DYNC1H1: variants seen among roughly 807,000 people sequenced by gnomAD.
DYNC1H1 encodes dynein cytoplasmic 1 heavy chain 1, also known as cytoplasmic dynein 1 heavy chain 1.
A neutral mutation model predicts 527.1 loss-of-function variants in DYNC1H1; 51 were observed. The observed-to-expected ratio is 0.10, with a 90% CI of 0.08 to 0.12. The LOEUF (loss-of-function observed/expected upper bound fraction) is 0.12, where lower values mean the gene tolerates loss of function less well. Among genes scored for constraint, DYNC1H1 ranks in the 10% least tolerant of loss-of-function variants. The pLI is 1.00. For synonymous variants in DYNC1H1, 2,189 were observed against 2,278.8 expected (o/e 0.96, Z 1.12); for missense variants, 2,771 against 5,971.8 (o/e 0.46, Z 17.66).
intron 73 of DYNC1H1, 33 bp from the exon 74 acceptor site, chr14:102,048,483 C>T (rs1175988115): frequency 6.2e-7 from 1 of 1,613,982 alleles, no homozygotes; most frequent in South Asian, 1.1e-5. Context: ...GGACCTCTTC[C>T]TAACTTCTCT....
chr14:102,038,356 T>G lies in DYNC1H1; in HGVS notation c.10909-104T>G. The G allele has an allele frequency of 2.0e-6, 3 of 1,536,022 alleles. No homozygotes were observed. The highest frequency in any genetic ancestry group is 8.7e-7 in the Non-Finnish European group (1 of 1,144,880). On this transcript the variant is annotated intron_variant, in intron 57 of 77. Transcript: ENST00000360184. The surrounding 1 kb of genome is among the most constrained non-coding windows in gnomAD (Gnocchi z 7.2). ...CCACCACACGCAAGTGGCGGGTGGC[T>G]TTTGGGAAGGTATGCTTATCCAGAG...
Position 102,007,102 on chromosome 14 carries a change from T to C in DYNC1H1, c.5811T>C (p.Asp1937=), listed in dbSNP as rs1258960197. 3 of 1,614,198 alleles carry C rather than the reference T, an allele frequency of 1.9e-6. No individual in the cohort carries two copies. Among genetic ancestry groups the C allele is most frequent in the Non-Finnish European group, 2.5e-6 (3 of 1,180,032 alleles). Residue 1937 remains aspartate (D), a synonymous_variant, in exon 28 of 78, where the codon GAT becomes GAC. Coordinates refer to ENST00000360184, the MANE Select transcript of DYNC1H1 (RefSeq NM_001376.5). Reference sequence around the variant, plus strand: ...TTTTCAACTGTGATGAAACCTTTGATTTCCAGGTGAGACACTTTATGGGAT... The same window carrying C: ...TTTTCAACTGTGATGAAACCTTTGACTTCCAGGTGAGACACTTTATGGGAT... ...VLVFNCDETF[D]FQAMGRIFVG... is the part of the protein sequence containing the mutation.
rs1288289761 is a variant in DYNC1H1 at position 102,005,564 on chromosome 14, A to G, written c.5434-324A>G. Among the ~76,000 whole-genome samples, 1 of 152,244 alleles carries G rather than the reference A, an allele frequency of 6.6e-6. No homozygotes were observed. Among genetic ancestry groups the G allele is most frequent in the Non-Finnish European group, 1.5e-5 (1 of 68,036 alleles). ...ACGGGCAGTGCTTGCTGCGAGCCCC[A>G]TGGCGGCACGTGGCAGACTCCTAGG... On this transcript the variant is annotated intron_variant, in intron 26 of 77. Coordinates refer to ENST00000360184, the MANE Select transcript of DYNC1H1 (RefSeq NM_001376.5). The surrounding 1 kb of genome is among the most constrained non-coding windows in gnomAD (Gnocchi z 4.0).
intron 2 of DYNC1H1, among the ~76,000 whole-genome samples, chr14:101,977,496 A>G (rs554824745): frequency 6.6e-6 from 1 of 152,360 alleles, no homozygotes; most frequent in Non-Finnish European, 1.5e-5. Context: ...GAACAAGGAC[A>G]TTCTCATTCG....
At chr14:102,040,475 T>C in intron 63 of DYNC1H1, 65 bp downstream of exon 63, 1 of 1,613,066 alleles carries the variant, frequency 6.2e-7, no homozygotes, top group Non-Finnish European at 8.5e-7. Flanking sequence ...ATGTAAGGAA[T>C]TGCATGTGGT....
chr14:102,043,886 G>T lies in DYNC1H1; in HGVS notation c.12525G>T (p.Glu4175Asp). The change falls in exon 70 of 78, where the codon GAG becomes GAT. Residue 4175 changes from glutamate to aspartate, a missense_variant. Glu to Asp is a conservative substitution (Grantham distance 45, BLOSUM62 2). This residue lies in a region of DYNC1H1 where 195 missense variants were observed against 428.6 expected (regional missense o/e 0.45). Coordinates refer to ENST00000360184, the MANE Select transcript of DYNC1H1 (RefSeq NM_001376.5). Reference protein sequence around the residue: ...PVSRICKSPNERARLYFLLAW... With the variant: ...PVSRICKSPNDRARLYFLLAW... ...ACTTTCCTCACCAGTCTCCCAACGA[G>T]CGTGCCCGCTTGTACTTCCTGCTGG... is the stretch of plus-strand genomic sequence containing the variant. 1 of 1,614,204 alleles carries T rather than the reference G, an allele frequency of 6.2e-7. No homozygotes were observed. The highest frequency in any genetic ancestry group is 8.5e-7 in the Non-Finnish European group (1 of 1,180,046).
chr14:102,038,937 A>T lies in DYNC1H1; in HGVS notation c.11207-64A>T. The T allele has an allele frequency of 2.5e-6, 4 of 1,614,004 alleles. No individual in the cohort carries two copies. In the South Asian group the frequency reaches 4.4e-5, roughly 18 times the overall value. On this transcript the variant is annotated intron_variant, in intron 59 of 77. Coordinates refer to ENST00000360184, the MANE Select transcript of DYNC1H1 (RefSeq NM_001376.5). The surrounding 1 kb of genome is among the most constrained non-coding windows in gnomAD (Gnocchi z 7.2). Reference sequence around the variant, plus strand: ...ACTAGGATGTTCCACGTTTGTGGCAAACACTTCTGAGAGCATACCTTTTGA... The same window carrying T: ...ACTAGGATGTTCCACGTTTGTGGCATACACTTCTGAGAGCATACCTTTTGA...
Position 102,044,849 on chromosome 14 carries a change from G to A in DYNC1H1, c.13006+151G>A, listed in dbSNP as rs17541616. 764 of 890,118 alleles carry A rather than the reference G, an allele frequency of 8.6e-4. 6 individuals are homozygous for A. In the African/African-American group the frequency reaches 0.01, roughly 12 times the overall value. 55.1% of individuals were successfully genotyped at this position (890,118 alleles called of 1,614,324 possible). A position where few individuals can be genotyped will look rare whatever the true frequency, so the allele number is the denominator to read the frequency against. On this transcript the variant is annotated intron_variant, in intron 72 of 77. Coordinates refer to ENST00000360184, the MANE Select transcript of DYNC1H1 (RefSeq NM_001376.5). This position sits in a 1 kb window ranked among gnomAD's most constrained non-coding sequence, Gnocchi z 7.1. ...TGCTGGGTGTGGCTCTGTCAGCCTCGGCCTTCCTGCCAGTCTCCAGCTGCT... is the reference window on the plus strand; with the variant it reads ...TGCTGGGTGTGGCTCTGTCAGCCTCAGCCTTCCTGCCAGTCTCCAGCTGCT...
rs779544894 is a variant in DYNC1H1 at position 102,038,799 on chromosome 14, A to G, written c.11157A>G (p.Ala3719=). The G allele has an allele frequency of 6.2e-7, 1 of 1,614,214 alleles. No individual in the cohort carries two copies. The highest frequency in any genetic ancestry group is 8.5e-7 in the Non-Finnish European group (1 of 1,180,042). ...AGTGTCTAAATGAAGTACTTAAAGC[A>G]GAAAGACCTGATGTGGACGAGAAAC... ...QSQCLNEVLK[A]ERPDVDEKRS... Residue 3719 remains alanine, a synonymous_variant, in exon 59 of 78, where the codon GCA becomes GCG. Coordinates refer to ENST00000360184, the MANE Select transcript of DYNC1H1 (RefSeq NM_001376.5). The surrounding 1 kb of genome is among the most constrained non-coding windows in gnomAD (Gnocchi z 7.2).
At chr14:101,972,817 C>T (rs932307110) in intron 1 of DYNC1H1, among the ~76,000 whole-genome samples, 20 of 151,810 alleles carry the variant, frequency 1.3e-4, no homozygotes, top group African/African-American at 4.1e-4. Context: ...TATATTGTTT[C>T]GGTGTTATTT....
rs886050372 is a variant in DYNC1H1, at chr14:102,034,463, G to A, written c.10754+11G>A. 5.6e-6 allele frequency: 9 copies of A among 1,612,474 alleles called. No individual in the cohort carries two copies. In the East Asian group the frequency reaches 8.9e-5, roughly 16 times the overall value. ...GAAACGATTCAATAGGTATGAGCTC[G>A]GGTGCCAAGGAGAGGCATGGGAGGA... is the stretch of plus-strand genomic sequence containing the variant. On this transcript the variant is annotated intron_variant, in intron 56 of 77. Coordinates refer to ENST00000360184, the MANE Select transcript of DYNC1H1 (RefSeq NM_001376.5).
rs116937091 is a variant in DYNC1H1 at position 102,025,268 on chromosome 14, G to A, written c.8638-1306G>A. On this transcript the variant is annotated intron_variant, in intron 43 of 77. Coordinates refer to ENST00000360184, the MANE Select transcript of DYNC1H1 (RefSeq NM_001376.5). ...AAAAATACAAAAATTAGCCGGGTGC[G>A]GTACTGCATGCCTGTAATCTCAGCT... Among the ~76,000 whole-genome samples the A allele has an allele frequency of 9.3e-3, 1,408 of 152,130 alleles. 13 individuals are homozygous for A. Among genetic ancestry groups the A allele is most frequent in the Middle Eastern group, 0.048 (14 of 294 alleles).
rs2048270932 is a variant in DYNC1H1, at chr14:102,012,626, G to A, written c.7014+156G>A. 2 of 1,065,612 alleles carry A rather than the reference G, an allele frequency of 1.9e-6. No individual in the cohort carries two copies. The highest frequency in any genetic ancestry group is 3.8e-5 in the Admixed American group (2 of 52,086). The allele number at this position is 1,065,612 out of a possible 1,614,324, so 66.0% of individuals were successfully genotyped here. A position where few individuals can be genotyped will look rare whatever the true frequency, so the allele number is the denominator to read the frequency against. On this transcript the variant is annotated intron_variant, in intron 34 of 77. Coordinates refer to ENST00000360184, the MANE Select transcript of DYNC1H1 (RefSeq NM_001376.5). This position sits in a 1 kb window ranked among gnomAD's most constrained non-coding sequence, Gnocchi z 4.9. ...TTCAAAGATAGCATCTCAACTGCTA[G>A]ATTTTTTTTCCATTTCCATGGCTAG... is the stretch of plus-strand genomic sequence containing the variant.
At position 102,029,920 on chromosome 14, in the gene DYNC1H1, G is replaced by A. The variant is rs1333964138; in HGVS notation, c.9744G>A (p.Gln3248=). The A allele has an allele frequency of 1.9e-6, 3 of 1,614,164 alleles. No homozygotes were observed. In the Admixed American group the frequency reaches 5.0e-5, roughly 27 times the overall value. The change falls in exon 50 of 78, where the codon CAG becomes CAA. Residue 3248 remains glutamine (Q), a synonymous_variant. Transcript: ENST00000360184. The surrounding 1 kb of genome is among the most constrained non-coding windows in gnomAD (Gnocchi z 5.3). ...DKLKKMVKDQ[Q]EAEKKKVMSQ... ...TGAAAAAGATGGTGAAAGACCAGCAGGAGGCTGAAAAGAAGAAGGTATGGT... is the reference window on the plus strand; with the variant it reads ...TGAAAAAGATGGTGAAAGACCAGCAAGAGGCTGAAAAGAAGAAGGTATGGT...
Position 102,015,776 on chromosome 14 carries a change from T to C in DYNC1H1, c.7243-80T>C, listed in dbSNP as rs17512453. ...TGAGTTTTCCAAGGTCGTATGACCT[T>C]CTCCTGGGACCAGGTTAGAATCGAT... On this transcript the variant is annotated intron_variant, in intron 35 of 77. Coordinates refer to ENST00000360184, the MANE Select transcript of DYNC1H1 (RefSeq NM_001376.5). This position sits in a 1 kb window ranked among gnomAD's most constrained non-coding sequence, Gnocchi z 6.9. The C allele has an allele frequency of 2.2e-4, 324 of 1,498,186 alleles. No homozygotes were observed. In the African/African-American group the frequency reaches 4.0e-3, roughly 19 times the overall value. The allele number at this position is 1,498,186 out of a possible 1,614,324, so 92.8% of individuals were successfully genotyped here.
At chr14:102,013,117 T>C (rs1466220314) in intron 34 of DYNC1H1, among the ~76,000 whole-genome samples, 2 of 151,384 alleles carry the variant, frequency 1.3e-5, no homozygotes, top group Non-Finnish European at 2.9e-5. Flanking sequence ...GGCATGGTGG[T>C]GGGTGCCTGT....
intron 29 of DYNC1H1, 125 bp from the exon 30 acceptor site, chr14:102,009,718 G>A (rs1021704647): frequency 4.6e-5 from 68 of 1,489,684 alleles, no homozygotes; most frequent in South Asian, 3.6e-4. Context: ...CAGCCCCCGA[G>A]GAAGCGTCTA....
chr14:101,978,934 G>A, intron 2 of DYNC1H1, among the ~76,000 whole-genome samples: 1 of 152,178 alleles, frequency 6.6e-6, no homozygotes, highest in Non-Finnish European at 1.5e-5. Context: ...AAGCTGAGTA[G>A]GACCAGACTA....
rs1008930763 is a variant in DYNC1H1 at position 101,970,045 on chromosome 14, A to G, written c.256+5098A>G. On this transcript the variant is annotated intron_variant, in intron 1 of 77. Coordinates refer to ENST00000360184, the MANE Select transcript of DYNC1H1 (RefSeq NM_001376.5). The stretch of plus-strand genomic sequence containing the variant: ...TATCTGTTATTTATTTTGAGTTAGT[A>G]GTAACTTGAAAAGTACCAAGTCTTA... Among the ~76,000 whole-genome samples, 2 of 152,348 alleles carry G rather than the reference A, an allele frequency of 1.3e-5. 1 individual carries two copies. The highest frequency in any genetic ancestry group is 4.8e-5 in the African/African-American group (2 of 41,580).
Sources: allele counts gnomAD v4.1 joint callset (sites outside exome capture counted in the v4.1 genomes callset), GRCh38; gene constraint gnomAD v4.1.1; regional missense constraint gnomAD v4.1.1; non-coding constraint Gnocchi (gnomAD v3.1); transcripts MANE v1.5; gene names NCBI Gene and HGNC (gene_info 2026-07-23, HGNC 2026-07-21).